Variants in POTEJ observed in about 807,000 individuals in gnomAD.
POTEJ encodes POTE ankyrin domain family member J.
In POTEJ, 11 loss-of-function variants were observed where a neutral mutation model predicts 69.0. The ratio of observed to expected loss-of-function variants is 0.16; its 90% CI spans 0.10 to 0.26. The LOEUF (loss-of-function observed/expected upper bound fraction) is 0.26, where lower values mean the gene tolerates loss of function less well. POTEJ is among the 10% of genes least tolerant of loss of function. The probability of loss-of-function intolerance (pLI) is 1.00; values close to 1 mark genes in which losing one functional copy is unlikely to be tolerated. For synonymous variants in POTEJ, 117 were observed against 381.1 expected (o/e 0.31, Z 8.07); for missense variants, 327 against 1,045.5 (o/e 0.31, Z 9.48).
intron 1 of POTEJ, among the ~76,000 whole-genome samples, chr2:130,615,576 G>C (rs1477987923): frequency 7.1e-6 from 1 of 140,678 alleles, no homozygotes; most frequent in African/African-American, 2.9e-5. Context: ...GATACCTAGA[G>C]GGAAGGAACA....
At chr2:130,644,526 C>T (rs866055500) in intron 11 of POTEJ, among the ~76,000 whole-genome samples, 1 of 152,254 alleles carries the variant, frequency 6.6e-6, no homozygotes, top group African/African-American at 2.4e-5. Flanking sequence ...ATAAAATCAG[C>T]AACCTTGTTA....
chr2:130,652,171 T>TTC (rs1362396368), intron 13 of POTEJ, among the ~76,000 whole-genome samples: 12 of 133,848 alleles, frequency 9.0e-5, no homozygotes, highest in African/African-American at 3.6e-4. Context: ...CACTTCTCTC[T>TTC]TCTCTCTCTC....
intron 13 of POTEJ, among the ~76,000 whole-genome samples, 159 bp downstream of exon 13, chr2:130,646,469 G>GT (rs1686583083): frequency 7.6e-6 from 1 of 131,614 alleles, no homozygotes; most frequent in Non-Finnish European, 1.6e-5. Flanking sequence ...ATCAGTTACC[G>GT]TTTTTTTTCC....
chr2:130,651,982 C>CCCCA (rs1474102005), intron 13 of POTEJ, among the ~76,000 whole-genome samples: 56 of 132,412 alleles, frequency 4.2e-4, no homozygotes, highest in East Asian at 4.2e-4. Flanking sequence ...ATACCCCCCC[C>CCCCA]CAATAGTTTG....
At chr2:130,648,785 T>TG in intron 13 of POTEJ, among the ~76,000 whole-genome samples, 1 of 68,428 alleles carries the variant, frequency 1.5e-5, no homozygotes, top group Non-Finnish European at 2.9e-5. Context: ...CTCATAGTTT[T>TG]TTTTTTTTTT....
intron 6 of POTEJ, among the ~76,000 whole-genome samples, chr2:130,629,004 G>A (rs1229138077): frequency 1.3e-5 from 2 of 150,394 alleles, no homozygotes; most frequent in Non-Finnish European, 2.9e-5. Flanking sequence ...TGGTGACAGA[G>A]CAAGACCCTG....
In POTEJ at chr2:130,635,348, G is replaced by A. The variant is rs1208100478; in HGVS notation, c.1298+2692G>A. Among the ~76,000 whole-genome samples the A allele has an allele frequency of 3.7e-5, 3 of 80,350 alleles. No individual in the cohort carries two copies. The East Asian group carries it at 1.0e-3, about 27-fold the overall frequency. 52.7% of individuals were successfully genotyped at this position (80,350 alleles called of 152,430 possible). On this transcript the variant is annotated intron_variant, in intron 9 of 14. Coordinates refer to ENST00000409602, the MANE Select transcript of POTEJ (RefSeq NM_001277083.2). ...TGCCTGGCTAATTTTTGTATTTTTAGTAGAGACAGCATTTCCCCATGTTGG... is the reference window on the plus strand; with the variant it reads ...TGCCTGGCTAATTTTTGTATTTTTAATAGAGACAGCATTTCCCCATGTTGG...
At chr2:130,635,779 T>C (rs1213118084) in intron 9 of POTEJ, among the ~76,000 whole-genome samples, 3 of 104,014 alleles carry the variant, frequency 2.9e-5, no homozygotes, top group African/African-American at 1.1e-4. Flanking sequence ...CAGTAAATCT[T>C]GTCAGGTCTA....
At position 130,618,693 on chromosome 2, in the gene POTEJ, C is replaced by T. The variant is rs200535278; in HGVS notation, c.700-1352C>T. 2.6e-3 allele frequency among the ~76,000 whole-genome samples: 345 copies of T among 133,812 alleles called. No homozygotes were observed. The East Asian group carries it at 0.062, about 24-fold the overall frequency. 87.8% of individuals were successfully genotyped at this position (133,812 alleles called of 152,430 possible). Reference sequence around the variant, plus strand: ...ATGTAATATGTAAATTCTTATGTCTCAGAAACTTAAGGTATCTCTAGAAGA... The same window carrying T: ...ATGTAATATGTAAATTCTTATGTCTTAGAAACTTAAGGTATCTCTAGAAGA... On this transcript the variant is annotated intron_variant, in intron 3 of 14. Coordinates refer to ENST00000409602, the MANE Select transcript of POTEJ (RefSeq NM_001277083.2).
intron 6 of POTEJ, among the ~76,000 whole-genome samples, chr2:130,629,062 C>T (rs200886270): frequency 9.8e-4 from 149 of 152,196 alleles, no homozygotes; most frequent in East Asian, 1.7e-3. Context: ...ATGTCCGAAT[C>T]GTGGAGGGAA....
intron 6 of POTEJ, among the ~76,000 whole-genome samples, chr2:130,625,562 T>A (rs1305518928): frequency 1.3e-5 from 2 of 151,378 alleles, no homozygotes; most frequent in Middle Eastern, 3.4e-3. Flanking sequence ...GAGAAGAATT[T>A]TTCTAGGTAA....
At chr2:130,631,121 A>T (rs1573980018) in intron 7 of POTEJ, among the ~76,000 whole-genome samples, 1 of 146,996 alleles carries the variant, frequency 6.8e-6, no homozygotes, top group African/African-American at 2.7e-5. Context: ...GACCAAGTTA[A>T]GTTTGCTGGT....
chr2:130,650,088 G>A (rs1309864896), intron 13 of POTEJ, among the ~76,000 whole-genome samples: 19 of 152,386 alleles, frequency 1.2e-4, no homozygotes, highest in African/African-American at 2.9e-4. Flanking sequence ...AGATTCAATT[G>A]GGAACATACC....
chr2:130,615,882 A>G (rs1685395695), intron 1 of POTEJ, among the ~76,000 whole-genome samples: 1 of 139,622 alleles, frequency 7.2e-6, no homozygotes, highest in African/African-American at 3.0e-5. Context: ...CATTGTATAA[A>G]TCTAAGTGTT....
At chr2:130,623,983 A>G (rs1685614597) in intron 5 of POTEJ, 81 bp from the exon 6 acceptor site, 1 of 1,391,624 alleles carries the variant, frequency 7.2e-7, no homozygotes, top group Non-Finnish European at 9.7e-7. Flanking sequence ...TGTTTGAAAT[A>G]CTCTTAATAA....
chr2:130,649,966 T>C (rs1248294511), intron 13 of POTEJ, among the ~76,000 whole-genome samples: 1 of 152,112 alleles, frequency 6.6e-6, no homozygotes, highest in African/African-American at 2.4e-5. Context: ...GGGAGAACCA[T>C]GTACCAGCAC....
intron 6 of POTEJ, among the ~76,000 whole-genome samples, chr2:130,625,376 T>A (rs1685666550): frequency 1.3e-5 from 2 of 151,936 alleles, no homozygotes; most frequent in Admixed American, 6.5e-5. Flanking sequence ...AGACAGGAGC[T>A]TTTTGTTATC....
intron 10 of POTEJ, among the ~76,000 whole-genome samples, chr2:130,642,059 G>C (rs550185663): frequency 6.6e-6 from 1 of 150,752 alleles, no homozygotes; most frequent in South Asian, 2.1e-4. Flanking sequence ...TTCGGTCCTA[G>C]AGTGCCCTGC....
rs756213281 is a variant in POTEJ, at chr2:130,656,874, G to T, written c.2114G>T (p.Gly705Val). The T allele has an allele frequency of 2.5e-6, 4 of 1,594,734 alleles. No individual in the cohort carries two copies. Among genetic ancestry groups the T allele is most frequent in the South Asian group, 1.1e-5 (1 of 90,782 alleles). ...PSIVGCPRQQ[G>V]MMGGMHQKES... ...ATCGTGGGGTGCCCCAGGCAGCAGG[G>T]CATGATGGGGGGCATGCATCAGAAA... The change falls in exon 15 of 15, where the codon GGC becomes GTC. Residue 705 changes from glycine (G) to valine (V), a missense_variant. Transcript: ENST00000409602.
Sources: allele counts gnomAD v4.1 joint callset (sites outside exome capture counted in the v4.1 genomes callset), GRCh38; gene constraint gnomAD v4.1.1; transcripts MANE v1.5; gene names NCBI Gene and HGNC (gene_info 2026-07-23, HGNC 2026-07-21).